CNKSR1: variants seen among roughly 807,000 people sequenced by gnomAD.
CNKSR1 encodes CNK homolog protein 1.
A neutral mutation model predicts 95.6 loss-of-function variants in CNKSR1; 88 were observed. The ratio of observed to expected loss-of-function variants is 0.92; its 90% confidence interval spans 0.78 to 1.10. The LOEUF (loss-of-function observed/expected upper bound fraction) is 1.10, where lower values mean the gene tolerates loss of function less well. Among genes scored for constraint, CNKSR1 ranks in the 50% least tolerant of loss-of-function variants. The pLI is 0.00. For synonymous variants in CNKSR1, 355 were observed against 369.7 expected, an observed-to-expected ratio of 0.96 and a Z score of 0.46; for missense variants, 836 against 912.0, an observed-to-expected ratio of 0.92 and a Z score of 1.07.
At chr1:26,186,323 CAG>C (rs1268774700) in intron 14 of CNKSR1, among the ~76,000 whole-genome samples, 1 of 152,222 alleles carries the variant, frequency 6.6e-6, no homozygotes, top group Non-Finnish European at 1.5e-5. Context: ...GTTTTTGAGA[CAG>C]AGTCTTGCTT....
chr1:26,189,566 G>GCTCC lies in CNKSR1; in HGVS notation c.*19_*22dup. ...ACCTCTGACCCTGGCCAGCACTCTA[G>GCTCC]CTCCTGACCTTTGACCCGAGGGCCA... On this transcript the variant is annotated 3_prime_UTR_variant, in exon 21 of 21. Coordinates refer to ENST00000361530, the MANE Select transcript of CNKSR1 (RefSeq NM_006314.3). The GCTCC allele has an allele frequency of 7.8e-7, 1 of 1,286,412 alleles. No individual in the cohort carries two copies. The highest frequency in any genetic ancestry group is 1.5e-5 in the African/African-American group (1 of 68,578). 79.7% of individuals were successfully genotyped at this position (1,286,412 alleles called of 1,614,324 possible).
chr1:26,185,819 C>T (rs1038806535), intron 14 of CNKSR1, among the ~76,000 whole-genome samples: 1 of 152,146 alleles, frequency 6.6e-6, no homozygotes, highest in Non-Finnish European at 1.5e-5. Flanking sequence ...GCGTGAGCCA[C>T]CACATCTGGC....
intron 16 of CNKSR1, 91 bp from the exon 17 acceptor site, chr1:26,188,143 A>C (rs2088788512): frequency 9.3e-7 from 1 of 1,071,642 alleles, no homozygotes; most frequent in African/African-American, 1.6e-5. Context: ...TGCTCTGAGG[A>C]TCATTAGAAG....
intron 1 of CNKSR1, among the ~76,000 whole-genome samples, chr1:26,178,909 A>G (rs752770183): frequency 2.8e-4 from 43 of 152,164 alleles, no homozygotes; most frequent in South Asian, 2.1e-4. Flanking sequence ...AGTGCTCTCA[A>G]TGTGACACAG....
intron 14 of CNKSR1, 45 bp downstream of exon 14, chr1:26,185,231 C>G (rs1569883695): frequency 6.5e-7 from 1 of 1,533,596 alleles, no homozygotes. Context: ...GAGTCACTTC[C>G]AGGCCTCGAT....
At chr1:26,180,005 G>A (rs1351327731) in intron 1 of CNKSR1, among the ~76,000 whole-genome samples, 15 of 152,112 alleles carry the variant, frequency 9.9e-5, no homozygotes, top group Admixed American at 9.2e-4. Context: ...GTGTGGTGGT[G>A]TGTGCCTGTA....
chr1:26,188,939 C>T lies in CNKSR1; in HGVS notation c.1858C>T (p.Gln620Ter). The T allele has an allele frequency of 6.2e-7, 1 of 1,613,694 alleles. No homozygotes were observed. Among genetic ancestry groups the T allele is most frequent in the Non-Finnish European group, 8.5e-7 (1 of 1,179,906 alleles). Residue 620 changes from glutamine (Q) to a stop codon, truncating the protein, a stop_gained, in exon 20 of 21, where the codon CAG becomes TAG. Coordinates refer to ENST00000361530, the MANE Select transcript of CNKSR1 (RefSeq NM_006314.3). LOFTEE classifies it low-confidence loss of function (END_TRUNC). Reference protein sequence around the residue: ...NERVHRVRALQSTLKAKLQEL... With the variant: ...NERVHRVRAL The stretch of plus-strand genomic sequence containing the variant: ...GCGAGTGCACCGTGTGCGGGCGCTA[C>T]AGAGCACACTCAAGGTCAGCTGGGG...
intron 8 of CNKSR1, 59 bp from the exon 9 acceptor site, chr1:26,183,670 G>T: frequency 7.9e-7 from 1 of 1,269,956 alleles, no homozygotes; most frequent in Non-Finnish European, 1.2e-6. Flanking sequence ...GGTGAGAGTT[G>T]GTGGTTGCTT....
chr1:26,188,551 C>T (rs755857070), intron 18 of CNKSR1, 47 bp from the exon 19 acceptor site: 37 of 1,609,944 alleles, frequency 2.3e-5, no homozygotes, highest in Non-Finnish European at 2.5e-5. Context: ...AACAACAGGG[C>T]GTGGAGCTCA....
intron 8 of CNKSR1, 111 bp downstream of exon 8, chr1:26,183,525 T>C: frequency 8.1e-7 from 1 of 1,235,828 alleles, no homozygotes; most frequent in Non-Finnish European, 1.2e-6. Context: ...GGAGCTGCCT[T>C]CCAGGAGATG....
chr1:26,183,940 C>T (rs1451355779), intron 9 of CNKSR1, 110 bp downstream of exon 9: 1 of 511,066 alleles, frequency 2.0e-6, no homozygotes, highest in Admixed American at 2.7e-5. Flanking sequence ...GGCACCTTCC[C>T]CTGCTGCGCC....
intron 6 of CNKSR1, among the ~76,000 whole-genome samples, chr1:26,182,821 G>C (rs919828136): frequency 5.3e-5 from 8 of 152,248 alleles, no homozygotes; most frequent in African/African-American, 1.7e-4. Flanking sequence ...CCTTGGGATG[G>C]AGACGGGGCA....
In CNKSR1 at chr1:26,180,829, A is replaced by G. The variant is rs746860230; in HGVS notation, c.325A>G (p.Ile109Val). 22 of 1,614,156 alleles carry G rather than the reference A, an allele frequency of 1.4e-5. No homozygotes were observed. The highest frequency in any genetic ancestry group is 1.9e-5 in the Non-Finnish European group (22 of 1,180,024). ...CCTGGGGGACTGTGCCAAGACCCCT[A>G]TTGATGTCCTCTGTGCAGCTGTGGA... ...GCLGDCAKTP[I>V]DVLCAAVELL... The change falls in exon 3 of 21, where the codon ATT becomes GTT. Residue 109 changes from isoleucine (I) to valine (V), a missense_variant. Ile to Val is a conservative substitution (Grantham distance 29). Coordinates refer to ENST00000361530, the MANE Select transcript of CNKSR1 (RefSeq NM_006314.3).
intron 13 of CNKSR1, 70 bp downstream of exon 13, chr1:26,184,682 G>A (rs2088716620): frequency 2.6e-6 from 4 of 1,514,038 alleles, no homozygotes; most frequent in Middle Eastern, 2.2e-4. Flanking sequence ...TACATGCTGG[G>A]CAAGACCACC....
chr1:26,184,453 C>T lies in CNKSR1; in HGVS notation c.1053C>T (p.Ala351=), dbSNP rs2088710077. 3 of 1,613,574 alleles carry T rather than the reference C, an allele frequency of 1.9e-6. No homozygotes were observed. The highest frequency in any genetic ancestry group is 3.3e-5 in the Admixed American group (2 of 59,942). ...TGCCCATCCCCCCGGAACCCCCAGC[C>T]ATACTCCCAGCAGGGGTAGCAGGGA... ...EPLPIPPEPP[A]ILPAGVAGTP... is the part of the protein sequence containing the mutation. The change falls in exon 12 of 21, where the codon GCC becomes GCT. Residue 351 remains alanine, a synonymous_variant. Transcript: ENST00000361530.
At chr1:26,185,769 G>A (rs950700481) in intron 14 of CNKSR1, among the ~76,000 whole-genome samples, 1 of 152,024 alleles carries the variant, frequency 6.6e-6, no homozygotes, top group Non-Finnish European at 1.5e-5. Flanking sequence ...GGGCTCAAGC[G>A]TTCTGCCTGC....
intron 20 of CNKSR1, 94 bp from the exon 21 acceptor site, chr1:26,189,185 T>C (rs2088819532): frequency 3.3e-6 from 5 of 1,501,546 alleles, no homozygotes; most frequent in Middle Eastern, 2.0e-4. Flanking sequence ...AGGTGCTGGC[T>C]TCCAGGCACC....
At chr1:26,182,428 TGGGGGTA>T in intron 5 of CNKSR1, 26 bp downstream of exon 5, 3 of 1,611,666 alleles carry the variant, frequency 1.9e-6, no homozygotes, top group Non-Finnish European at 2.5e-6. Flanking sequence ...GGGAAGAGAG[TGGGGGTA>T]GGGGCGATCG....
rs781267315 is a variant in CNKSR1, at chr1:26,184,417, C to T, written c.1017C>T (p.Gly339=). Residue 339 remains glycine (G), a synonymous_variant, in exon 12 of 21, where the codon GGC becomes GGT. Transcript: ENST00000361530. ...CCCTGACAGACTCTGCCTCCCTTGG[C>T]CCTGAGCCCCTGCCCATCCCCCCGG... ...SPAWTDSASL[G]PEPLPIPPEP... 6.2e-7 allele frequency: 1 copy of T among 1,613,248 alleles called. No individual in the cohort carries two copies. Among genetic ancestry groups the T allele is most frequent in the South Asian group, 1.1e-5 (1 of 91,002 alleles).
Sources: gnomAD v4.1 joint callset for allele counts (sites outside exome capture counted in the v4.1 genomes callset) on GRCh38, gnomAD v4.1.1 for gene constraint, MANE v1.5 for transcripts, NCBI Gene and HGNC (gene_info 2026-07-23, HGNC 2026-07-21) for gene names.